Variants in ABCD2 observed in about 807,000 individuals in gnomAD.
The protein encoded by ABCD2 is ATP-binding cassette sub-family D member 2.
Under a neutral mutation model 70.9 loss-of-function variants are expected in ABCD2, and 36 were observed. The observed-to-expected ratio is 0.51, with a 90% confidence interval of 0.39 to 0.67. ABCD2 has a LOEUF of 0.67. Among genes scored for constraint, ABCD2 ranks in the 30% least tolerant of loss-of-function variants. The pLI, the probability that ABCD2 is intolerant of heterozygous loss-of-function variation, is 0.00. For synonymous variants in ABCD2, 304 were observed against 306.9 expected (o/e 0.99, Z 0.10); for missense variants, 729 against 890.2 (o/e 0.82, Z 2.30).
chr12:39,540,480 A>G, the ABCD2 span, among the ~76,000 whole-genome samples: 1 of 152,198 alleles, frequency 6.6e-6, no homozygotes, highest in Admixed American at 6.5e-5. Context: ...AAATGGCCCT[A>G]CAAAGCTATC....
intron 6 of ABCD2, among the ~76,000 whole-genome samples, chr12:39,587,606 C>T (rs1184168588): frequency 1.3e-5 from 2 of 152,026 alleles, no homozygotes; most frequent in Non-Finnish European, 2.9e-5. Flanking sequence ...GAAGAGTAAA[C>T]CTGAAACTAG....
chr12:39,550,022 TC>T (rs1941065988), downstream of ABCD2: 1 of 151,932 alleles, frequency 6.6e-6, no homozygotes, highest in Non-Finnish European at 1.5e-5. Context: ...TTTTCAATGG[TC>T]ACAAGCATCT....
the ABCD2 span, among the ~76,000 whole-genome samples, chr12:39,538,405 CCCCAAGTCATCTGTCTGCCTTGGCCT>C: frequency 6.6e-6 from 1 of 152,030 alleles, no homozygotes; most frequent in Admixed American, 6.6e-5. Context: ...AAACTCCTGG[CCCCAAGTCATCTGTCTGCCTTGGCCT>C]CCCAAAGTGC....
rs1237065214 is a variant in ABCD2 at position 39,553,359 on chromosome 12, T to G, written c.*553A>C. The G allele has an allele frequency of 6.6e-6, 1 of 152,104 alleles. No individual in the cohort carries two copies. Among genetic ancestry groups the G allele is most frequent in the Admixed American group, 6.5e-5 (1 of 15,270 alleles). 9.4% of individuals were successfully genotyped at this position (152,104 alleles called of 1,614,324 possible). On this transcript the variant is annotated 3_prime_UTR_variant, in exon 10 of 10. Transcript: ENST00000308666. ...TTTATACATTTTAGCCATGCTTTTT[T>G]CTTTCAACAAATGCCATTAAAACAA... is the stretch of plus-strand genomic sequence containing the variant.
intron 9 of ABCD2, among the ~76,000 whole-genome samples, chr12:39,564,069 A>G (rs1406102561): frequency 6.6e-6 from 1 of 152,200 alleles, no homozygotes; most frequent in Non-Finnish European, 1.5e-5. Flanking sequence ...GCTATTGTGT[A>G]GAGTGCCACA....
At chr12:39,568,305 C>T (rs938803451) in intron 9 of ABCD2, among the ~76,000 whole-genome samples, 1 of 152,218 alleles carries the variant, frequency 6.6e-6, no homozygotes, top group African/African-American at 2.4e-5. Flanking sequence ...TCCCATATTT[C>T]TTGGAGGCTT....
chr12:39,588,288 C>T (rs982918954), intron 6 of ABCD2, among the ~76,000 whole-genome samples: 3 of 152,102 alleles, frequency 2.0e-5, no homozygotes, highest in Non-Finnish European at 4.4e-5. Context: ...CATCTTAATC[C>T]AGACCCCCCC....
At chr12:39,549,373 G>T (rs1367299312), downstream of ABCD2, among the ~76,000 whole-genome samples, 1 of 151,846 alleles carries the variant, frequency 6.6e-6, no homozygotes, top group Non-Finnish European at 1.5e-5. Flanking sequence ...CATCTAACTG[G>T]CATACATTTG....
In ABCD2 at chr12:39,619,530, G is replaced by T; in HGVS notation, c.86C>A (p.Ala29Glu). The change falls in exon 1 of 10, where the codon GCG becomes GAG. Residue 29 changes from alanine to glutamate, a missense_variant. This residue lies in a region of ABCD2 where 245 missense variants were observed against 261.2 expected (regional missense o/e 0.94). Transcript: ENST00000308666. The stretch of plus-strand genomic sequence containing the variant: ...ATAGAGGGTTTTCAGAGCATATGCC[G>T]CAGCCACCAGGCAGGCAGCCCTCTT... ...AAKRAACLVA[A>E]AYALKTLYPI... 1 of 1,611,680 alleles carries T rather than the reference G, an allele frequency of 6.2e-7. No homozygotes were observed. Among genetic ancestry groups the T allele is most frequent in the Non-Finnish European group, 8.5e-7 (1 of 1,179,994 alleles).
chr12:39,585,402 G>A (rs1472245918), intron 7 of ABCD2, among the ~76,000 whole-genome samples: 1 of 152,086 alleles, frequency 6.6e-6, no homozygotes, highest in Non-Finnish European at 1.5e-5. Context: ...TTTATCAGCT[G>A]AAGGAGCTTT....
chr12:39,592,612 G>A (rs1042051493), intron 6 of ABCD2, among the ~76,000 whole-genome samples: 1 of 152,164 alleles, frequency 6.6e-6, no homozygotes, highest in Non-Finnish European at 1.5e-5. Flanking sequence ...TTGCTTTGAG[G>A]GCAGCAGGAC....
At chr12:39,616,314 A>G (rs528070113) in intron 2 of ABCD2, among the ~76,000 whole-genome samples, 2 of 152,280 alleles carry the variant, frequency 1.3e-5, no homozygotes, top group Admixed American at 1.3e-4. Context: ...CCTTGCCCTT[A>G]TCTTTCTTTG....
Position 39,553,073 on chromosome 12 carries a change from T to G in ABCD2, c.*839A>C, listed in dbSNP as rs529540604. ...TGATTCTCAGAATCCTTAAGTTCCTTTATACCATTGCAGTTCTTAAAATGT... is the reference window on the plus strand; with the variant it reads ...TGATTCTCAGAATCCTTAAGTTCCTGTATACCATTGCAGTTCTTAAAATGT... On this transcript the variant is annotated 3_prime_UTR_variant, in exon 10 of 10. Coordinates refer to ENST00000308666, the MANE Select transcript of ABCD2 (RefSeq NM_005164.4). 1.3e-5 allele frequency: 2 copies of G among 152,130 alleles called. No individual in the cohort carries two copies. Among genetic ancestry groups the G allele is most frequent in the African/African-American group, 4.8e-5 (2 of 41,560 alleles). The allele number at this position is 152,130 out of a possible 1,614,324, so 9.4% of individuals were successfully genotyped here. A position where few individuals can be genotyped will look rare whatever the true frequency, so the allele number is the denominator to read the frequency against.
intron 6 of ABCD2, among the ~76,000 whole-genome samples, chr12:39,599,261 A>G (rs1289903138): frequency 1.3e-5 from 2 of 152,248 alleles, no homozygotes; most frequent in African/African-American, 4.8e-5. Flanking sequence ...CTAAAAATAT[A>G]AAATGTATTT....
intron 6 of ABCD2, among the ~76,000 whole-genome samples, chr12:39,590,304 C>A (rs901293710): frequency 7.2e-5 from 11 of 152,260 alleles, no homozygotes; most frequent in African/African-American, 2.2e-4. Context: ...GTTACTGGCT[C>A]ACTTGCTCTG....
In ABCD2 at chr12:39,553,716, T is replaced by C; in HGVS notation, c.*196A>G. On this transcript the variant is annotated 3_prime_UTR_variant, in exon 10 of 10. Coordinates refer to ENST00000308666, the MANE Select transcript of ABCD2 (RefSeq NM_005164.4). The stretch of plus-strand genomic sequence containing the variant: ...CACTAGGAATTAGTATAAGTCATAA[T>C]GACTGACCTTACATAATGCATTTGT... 1.8e-6 allele frequency: 1 copy of C among 557,052 alleles called. No homozygotes were observed. The highest frequency in any genetic ancestry group is 2.9e-5 in the East Asian group (1 of 34,110). 34.5% of individuals were successfully genotyped at this position (557,052 alleles called of 1,614,324 possible). A position where few individuals can be genotyped will look rare whatever the true frequency, so the allele number is the denominator to read the frequency against.
the ABCD2 span, among the ~76,000 whole-genome samples, chr12:39,537,667 A>G: frequency 2.6e-3 from 402 of 152,328 alleles, no homozygotes; most frequent in Non-Finnish European, 4.7e-3. Context: ...TAAACTCAGA[A>G]TAATAACCAC....
At chr12:39,568,298 C>G (rs538215592) in intron 9 of ABCD2, among the ~76,000 whole-genome samples, 76 of 152,286 alleles carry the variant, frequency 5.0e-4, no homozygotes, top group African/African-American at 1.8e-3. Context: ...CACATAGTCC[C>G]ATATTTCTTG....
chr12:39,534,810 A>G, the ABCD2 span, among the ~76,000 whole-genome samples: 4 of 143,270 alleles, frequency 2.8e-5, no homozygotes, highest in African/African-American at 5.3e-5. Flanking sequence ...AAGAAAGAAA[A>G]GAAAGGAAGG....
Sources: allele counts gnomAD v4.1 joint callset (sites outside exome capture counted in the v4.1 genomes callset), GRCh38; gene constraint gnomAD v4.1.1; regional missense constraint gnomAD v4.1.1; transcripts MANE v1.5; gene names NCBI Gene and HGNC (gene_info 2026-07-23, HGNC 2026-07-21).